GRM1: variants seen among roughly 807,000 people sequenced by gnomAD.
GRM1 encodes glutamate metabotropic receptor 1, also known as metabotropic glutamate receptor 1.
Under a neutral mutation model 90.9 loss-of-function variants are expected in GRM1, and 33 were observed. The ratio of observed to expected loss-of-function variants is 0.36; its 90% confidence interval spans 0.28 to 0.49. The LOEUF (loss-of-function observed/expected upper bound fraction) is 0.49. Among genes scored for constraint, GRM1 ranks in the 20% least tolerant of loss-of-function variants. The probability of loss-of-function intolerance (pLI) is 0.99; values close to 1 mark genes in which losing one functional copy is unlikely to be tolerated. For synonymous variants in GRM1, 700 were observed against 613.2 expected, an observed-to-expected ratio of 1.14 and a Z score of -2.09; for missense variants, 1,190 against 1,534.3, an observed-to-expected ratio of 0.78 and a Z score of 3.75.
At chr6:146,044,850 G>C (rs759419324) in intron 1 of GRM1, among the ~76,000 whole-genome samples, 1 of 151,926 alleles carries the variant, frequency 6.6e-6, no homozygotes, top group Non-Finnish European at 1.5e-5. Flanking sequence ...CCTTTTACAA[G>C]GTTATTTTAG....
intron 7 of GRM1, among the ~76,000 whole-genome samples, chr6:146,406,410 T>G (rs1465733926): frequency 2.0e-5 from 3 of 152,176 alleles, no homozygotes; most frequent in Non-Finnish European, 4.4e-5. Context: ...TCTGGACTTA[T>G]AAACATTGAC....
intron 2 of GRM1, among the ~76,000 whole-genome samples, chr6:146,275,824 A>G (rs1782340369): frequency 6.6e-6 from 1 of 152,094 alleles, no homozygotes; most frequent in Non-Finnish European, 1.5e-5. Context: ...TACTTATTTA[A>G]TTTTATCATT....
intron 4 of GRM1, among the ~76,000 whole-genome samples, chr6:146,355,822 G>A (rs1383162454): frequency 1.3e-5 from 2 of 152,174 alleles, no homozygotes; most frequent in Admixed American, 6.5e-5. Context: ...GATTAAGCAG[G>A]GGCGTGTGAG....
intron 2 of GRM1, among the ~76,000 whole-genome samples, chr6:146,215,319 A>G (rs1779830602): frequency 6.6e-6 from 1 of 152,040 alleles, no homozygotes; most frequent in African/African-American, 2.4e-5. Flanking sequence ...GCATGTATTT[A>G]TTTTTCCATC....
chr6:146,045,142 A>G (rs1209669919), intron 1 of GRM1, among the ~76,000 whole-genome samples: 1 of 151,992 alleles, frequency 6.6e-6, no homozygotes, highest in African/African-American at 2.4e-5. Context: ...TCGTTTATAT[A>G]TGTTTAAGAG....
chr6:146,055,979 A>T (rs1001654671), intron 1 of GRM1, among the ~76,000 whole-genome samples: 3 of 152,198 alleles, frequency 2.0e-5, no homozygotes, highest in Middle Eastern at 3.4e-3. Context: ...AGTGAGAAGA[A>T]CCCTCCAACT....
chr6:146,204,816 T>C (rs1779437861), intron 2 of GRM1, among the ~76,000 whole-genome samples: 1 of 152,164 alleles, frequency 6.6e-6, no homozygotes, highest in African/African-American at 2.4e-5. Flanking sequence ...CGCAGAGTTC[T>C]GAAACAGCGC....
At chr6:146,249,608 C>T (rs1781200532) in intron 2 of GRM1, among the ~76,000 whole-genome samples, 1 of 152,150 alleles carries the variant, frequency 6.6e-6, no homozygotes, top group Non-Finnish European at 1.5e-5. Flanking sequence ...AAGAAGTCTA[C>T]CGCAGGGGTG....
At chr6:146,110,876 T>C (rs1327825436) in intron 1 of GRM1, among the ~76,000 whole-genome samples, 1 of 152,130 alleles carries the variant, frequency 6.6e-6, no homozygotes, top group Non-Finnish European at 1.5e-5. Context: ...TTGGGAGACA[T>C]AAACTCAATA....
chr6:146,062,760 T>C (rs962526863), intron 1 of GRM1, among the ~76,000 whole-genome samples: 13 of 152,174 alleles, frequency 8.5e-5, no homozygotes, highest in African/African-American at 1.2e-4. Context: ...TTGTTTTTGG[T>C]CGATTACTCT....
chr6:146,037,534 C>T (rs1398984690), intron 1 of GRM1, among the ~76,000 whole-genome samples: 1 of 151,872 alleles, frequency 6.6e-6, no homozygotes, highest in East Asian at 1.9e-4. Flanking sequence ...ATGTGAGGTC[C>T]ATACTATTTA....
Position 146,434,158 on chromosome 6 carries a change from C to T in GRM1, c.2947C>T (p.Pro983Ser), listed in dbSNP as rs1283137533. ...TTCCATGGTGGTGCACAGGCGCGTGCCAAGCGCGGCGACCACTCCGCCTCT... is the reference window on the plus strand; with the variant it reads ...TTCCATGGTGGTGCACAGGCGCGTGTCAAGCGCGGCGACCACTCCGCCTCT... ...SPSMVVHRRV[P>S]SAATTPPLPS... The change falls in exon 8 of 8, where the codon CCA becomes TCA. Residue 983 changes from proline (P) to serine (S), a missense_variant. Pro to Ser is a moderately conservative substitution (Grantham distance 74). This residue lies in a region of GRM1 where 400 missense variants were observed against 360.8 expected (regional missense o/e 1.11). Transcript: ENST00000282753. 1 of 1,613,842 alleles carries T rather than the reference C, an allele frequency of 6.2e-7. No homozygotes were observed. The highest frequency in any genetic ancestry group is 1.7e-5 in the Admixed American group (1 of 60,022).
chr6:146,089,022 GTGGGCAGGGTCTGTGAC>G (rs1156741206), intron 1 of GRM1, among the ~76,000 whole-genome samples: 1 of 152,108 alleles, frequency 6.6e-6, no homozygotes, highest in Non-Finnish European at 1.5e-5. Context: ...CTTCTTGAGT[GTGGGCAGGGTCTGTGAC>G]TGGCTTCTAA....
chr6:146,398,100 T>C (rs1777031418), intron 6 of GRM1, among the ~76,000 whole-genome samples: 1 of 152,144 alleles, frequency 6.6e-6, no homozygotes, highest in South Asian at 2.1e-4. Context: ...TTTCAAGAGA[T>C]GGGTTAGGGG....
intron 1 of GRM1, among the ~76,000 whole-genome samples, chr6:146,139,532 T>C (rs1443845919): frequency 1.3e-5 from 2 of 152,248 alleles, no homozygotes; most frequent in African/African-American, 2.4e-5. Context: ...TGTTATATCC[T>C]CTTGGTGAAT....
chr6:146,071,806 TA>T (rs1776025694), intron 1 of GRM1, among the ~76,000 whole-genome samples: 1 of 152,162 alleles, frequency 6.6e-6, no homozygotes, highest in Non-Finnish European at 1.5e-5. Flanking sequence ...TGTATTTGGT[TA>T]GGGCAAGGAG....
intron 1 of GRM1, among the ~76,000 whole-genome samples, chr6:146,080,372 A>G (rs952225791): frequency 1.3e-5 from 2 of 152,150 alleles, no homozygotes; most frequent in African/African-American, 4.8e-5. Context: ...GATACTACAA[A>G]ACACAAAAAC....
intron 1 of GRM1, among the ~76,000 whole-genome samples, chr6:146,069,040 A>T (rs1775943618): frequency 6.6e-6 from 1 of 152,176 alleles, no homozygotes; most frequent in Non-Finnish European, 1.5e-5. Flanking sequence ...TAAATATCTG[A>T]ACTGTTAAAC....
intron 1 of GRM1, among the ~76,000 whole-genome samples, chr6:146,058,474 T>C (rs1232970809): frequency 1.3e-5 from 2 of 152,164 alleles, no homozygotes; most frequent in African/African-American, 4.8e-5. Flanking sequence ...CTAATGATCA[T>C]CTGAGCTTTC....
Sources: gnomAD v4.1 joint callset for allele counts (sites outside exome capture counted in the v4.1 genomes callset) on GRCh38, gnomAD v4.1.1 for gene constraint, gnomAD v4.1.1 regional missense constraint, MANE v1.5 for transcripts, NCBI Gene and HGNC (gene_info 2026-07-23, HGNC 2026-07-21) for gene names.